The following MAGI1 variants were observed in gnomAD, a reference collection of about 807,000 sequenced individuals.
MAGI1 encodes membrane-associated guanylate kinase, WW and PDZ domain-containing protein 1.
A neutral mutation model predicts 139.9 loss-of-function variants in MAGI1; 58 were observed. The ratio of observed to expected loss-of-function variants is 0.41; its 90% CI spans 0.34 to 0.52. The LOEUF (loss-of-function observed/expected upper bound fraction) is 0.52, where lower values mean the gene tolerates loss of function less well. Among genes scored for constraint, MAGI1 ranks in the 20% least tolerant of loss-of-function variants. MAGI1 has a pLI of 0.12. For missense variants in MAGI1, 1,874 were observed against 1,901.6 expected, an observed-to-expected ratio of 0.99 and a Z score of 0.27; for synonymous variants, 812 against 737.9, an observed-to-expected ratio of 1.10 and a Z score of -1.63.
intron 2 of MAGI1, among the ~76,000 whole-genome samples, chr3:65,550,963 C>G (rs536228842): frequency 6.6e-6 from 1 of 152,248 alleles, no homozygotes; most frequent in African/African-American, 2.4e-5. Flanking sequence ...GAGACCCTGT[C>G]TTAAAAAGAA....
chr3:65,605,052 A>C (rs1276307227), intron 2 of MAGI1, among the ~76,000 whole-genome samples: 3 of 152,212 alleles, frequency 2.0e-5, no homozygotes, highest in Non-Finnish European at 2.9e-5. Context: ...AAGATAGCTA[A>C]TGAGAGAAGA....
chr3:65,503,634 G>A (rs1187649024), intron 2 of MAGI1, among the ~76,000 whole-genome samples: 1 of 152,148 alleles, frequency 6.6e-6, no homozygotes, highest in Non-Finnish European at 1.5e-5. Flanking sequence ...GTTCCATCTT[G>A]CATGGAAGAA....
At chr3:65,440,075 C>A (rs566655395) in intron 8 of MAGI1, 63 bp from the exon 9 acceptor site, 2 of 1,576,538 alleles carry the variant, frequency 1.3e-6, no homozygotes, top group African/African-American at 1.3e-5. Flanking sequence ...AAATGCCAAT[C>A]AGACCAAGTC....
In MAGI1 at chr3:66,020,156, T is replaced by C. The variant is rs183857658; in HGVS notation, c.313+17840A>G. 2.5e-4 allele frequency among the ~76,000 whole-genome samples: 38 copies of C among 152,350 alleles called. No homozygotes were observed. In the East Asian group the frequency reaches 7.1e-3, roughly 29 times the overall value. Reference sequence around the variant, plus strand: ...TATCCATCTGCAAATAAGAGCCATCTTGGCCGGGCGCAGTGGCTCACGCCT... The same window carrying C: ...TATCCATCTGCAAATAAGAGCCATCCTGGCCGGGCGCAGTGGCTCACGCCT... On this transcript the variant is annotated intron_variant, in intron 1 of 22. Transcript: ENST00000402939.
At position 65,915,465 on chromosome 3, in the gene MAGI1, C is replaced by T. The variant is rs150219153; in HGVS notation, c.313+122531G>A. ...CCAGCAGATGATCTGCACACTTGCCCCTTTTTAGACACTGGCTGCTTTCTC... is the reference window on the plus strand; with the variant it reads ...CCAGCAGATGATCTGCACACTTGCCTCTTTTTAGACACTGGCTGCTTTCTC... On this transcript the variant is annotated intron_variant, in intron 1 of 22. Coordinates refer to ENST00000402939, the MANE Select transcript of MAGI1 (RefSeq NM_001033057.2). Among the ~76,000 whole-genome samples, 859 of 152,258 alleles carry T rather than the reference C, an allele frequency of 5.6e-3. 7 individuals are homozygous for T. The highest frequency in any genetic ancestry group is 0.019 in the African/African-American group (797 of 41,522).
intron 1 of MAGI1, among the ~76,000 whole-genome samples, chr3:65,630,912 A>C (rs2084259470): frequency 6.6e-6 from 1 of 152,256 alleles, no homozygotes. Context: ...TGTGCCTTGC[A>C]GGCCATGATA....
chr3:65,611,093 T>A (rs185731082), intron 2 of MAGI1, among the ~76,000 whole-genome samples: 4 of 137,764 alleles, frequency 2.9e-5, no homozygotes, highest in African/African-American at 5.3e-5. Context: ...TATATACATA[T>A]ATAATATATA....
rs55637398 is a variant in MAGI1 at position 65,631,086 on chromosome 3, G to C, written c.314-8998C>G. 2.7e-3 allele frequency among the ~76,000 whole-genome samples: 405 copies of C among 152,300 alleles called. 2 individuals carry two copies. The highest frequency in any genetic ancestry group is 3.9e-3 in the Non-Finnish European group (268 of 68,020). On this transcript the variant is annotated intron_variant, in intron 1 of 22. Coordinates refer to ENST00000402939, the MANE Select transcript of MAGI1 (RefSeq NM_001033057.2). ...GTGGAAGTCAGAAGAAGCCAGTAGA[G>C]CTGATGATCACACAAGTCCTGAAGT...
chr3:65,443,662 A>C (rs1320322976), intron 7 of MAGI1, among the ~76,000 whole-genome samples: 1 of 152,102 alleles, frequency 6.6e-6, no homozygotes, highest in African/African-American at 2.4e-5. Context: ...TACTTGGTGA[A>C]AGAAGGGACT....
chr3:65,447,147 A>G (rs1338364590), intron 7 of MAGI1, among the ~76,000 whole-genome samples: 1 of 152,222 alleles, frequency 6.6e-6, no homozygotes, highest in Non-Finnish European at 1.5e-5. Context: ...TTCAATTGCT[A>G]AAGAATCTTC....
At chr3:65,613,213 A>G (rs1559721088) in intron 2 of MAGI1, among the ~76,000 whole-genome samples, 1 of 152,072 alleles carries the variant, frequency 6.6e-6, no homozygotes, top group Non-Finnish European at 1.5e-5. Context: ...CAAATGCTGC[A>G]CTCATACTAC....
Position 65,354,042 on chromosome 3 carries a change from C to T in MAGI1, c.*2336G>A, listed in dbSNP as rs991526097. 4.6e-5 allele frequency: 7 copies of T among 152,188 alleles called. No individual in the cohort carries two copies. The highest frequency in any genetic ancestry group is 1.7e-4 in the African/African-American group (7 of 41,436). The allele number at this position is 152,188 out of a possible 1,614,324, so 9.4% of individuals were successfully genotyped here. On this transcript the variant is annotated 3_prime_UTR_variant, in exon 23 of 23. Coordinates refer to ENST00000402939, the MANE Select transcript of MAGI1 (RefSeq NM_001033057.2). ...CTTCAGGATATATTCCCAAAATCCA[C>T]CTTGATTTCATTTATTTAAAACTCT...
intron 1 of MAGI1, among the ~76,000 whole-genome samples, chr3:65,742,127 A>G (rs970539357): frequency 6.6e-6 from 1 of 152,130 alleles, no homozygotes; most frequent in African/African-American, 2.4e-5. Context: ...AATATTTAAC[A>G]CTGTATCAAG....
At position 65,493,511 on chromosome 3, in the gene MAGI1, C is replaced by T; in HGVS notation, c.550+1G>A. On this transcript the variant is annotated splice_donor_variant, in intron 3 of 22. Transcript: ENST00000402939. LOFTEE classifies it high-confidence loss of function. Reference sequence around the variant, plus strand: ...TTTATGCTGTCGTACAAGTAACTCACCTTCATAGGTGCCGACTTCCAGAAG... The same window carrying T: ...TTTATGCTGTCGTACAAGTAACTCATCTTCATAGGTGCCGACTTCCAGAAG... 1 of 1,614,150 alleles carries T rather than the reference C, an allele frequency of 6.2e-7. No homozygotes were observed.
intron 2 of MAGI1, among the ~76,000 whole-genome samples, chr3:65,595,439 T>C (rs902800680): frequency 4.6e-5 from 7 of 152,180 alleles, no homozygotes; most frequent in Admixed American, 4.6e-4. Flanking sequence ...TCAGGGTTGG[T>C]AGTTCCAGTG....
chr3:65,834,119 G>A (rs181602420), intron 1 of MAGI1, among the ~76,000 whole-genome samples: 63 of 152,200 alleles, frequency 4.1e-4, no homozygotes, highest in African/African-American at 1.4e-3. Flanking sequence ...AAACAACAAA[G>A]GTAACTTCAG....
intron 1 of MAGI1, among the ~76,000 whole-genome samples, chr3:65,933,307 T>G (rs1444595306): frequency 6.6e-6 from 1 of 152,190 alleles, no homozygotes; most frequent in Non-Finnish European, 1.5e-5. Context: ...ATCAAAATAT[T>G]GGTCAGGGCT....
At chr3:65,499,128 T>A in intron 2 of MAGI1, 1 of 729,638 alleles carries the variant, frequency 1.4e-6, no homozygotes, top group Non-Finnish European at 1.7e-6. Context: ...CGATTTGTTT[T>A]AAAAATTCCA....
At chr3:65,848,312 A>C (rs955550471) in intron 1 of MAGI1, among the ~76,000 whole-genome samples, 2 of 152,204 alleles carry the variant, frequency 1.3e-5, no homozygotes, top group Non-Finnish European at 2.9e-5. Flanking sequence ...AAAGCGAAGC[A>C]ACTTAGAATG....
Sources: gnomAD v4.1 joint callset for allele counts (sites outside exome capture counted in the v4.1 genomes callset) on GRCh38, gnomAD v4.1.1 for gene constraint, MANE v1.5 for transcripts, NCBI Gene and HGNC (gene_info 2026-07-23, HGNC 2026-07-21) for gene names.